Variants in PLCB4 observed in about 807,000 individuals in gnomAD.
The protein encoded by PLCB4 is phospholipase C beta 4, also known as 1-phosphatidylinositol 4,5-bisphosphate phosphodiesterase beta-4.
Under a neutral mutation model 178.8 loss-of-function variants are expected in PLCB4, and 77 were observed. That is an observed-to-expected ratio of 0.43 (90% CI 0.36 to 0.52). The LOEUF (loss-of-function observed/expected upper bound fraction) is 0.52, where lower values mean the gene tolerates loss of function less well. Among genes scored for constraint, PLCB4 ranks in the 20% least tolerant of loss-of-function variants. The pLI is 0.00. For missense variants in PLCB4, 1,024 were observed against 1,453.4 expected (o/e 0.70, Z 4.80); for synonymous variants, 496 against 490.8 (o/e 1.01, Z -0.14).
intron 14 of PLCB4, among the ~76,000 whole-genome samples, chr20:9,384,961 G>A (rs905156101): frequency 6.6e-5 from 10 of 152,212 alleles, no homozygotes; most frequent in East Asian, 1.9e-4. Flanking sequence ...TGCCGCCTTC[G>A]GCAGTGTTTG....
intron 7 of PLCB4, 102 bp from the exon 8 acceptor site, chr20:9,362,794 G>A (rs1316884446): frequency 1.4e-6 from 1 of 719,794 alleles, no homozygotes. Context: ...AGAAGAGTTT[G>A]TGTTTTTATT....
At chr20:9,393,737 C>A in intron 18 of PLCB4, 59 bp downstream of exon 18, 1 of 1,114,766 alleles carries the variant, frequency 9.0e-7, no homozygotes, top group Non-Finnish European at 1.4e-6. Context: ...GACATTTCAG[C>A]TGTTGAGAAT....
intron 3 of PLCB4, among the ~76,000 whole-genome samples, chr20:9,283,186 C>A (rs1286131436): frequency 6.6e-6 from 1 of 151,958 alleles, no homozygotes; most frequent in African/African-American, 2.4e-5. Flanking sequence ...AGGCAGAAAC[C>A]ATTGGCCTGA....
chr20:9,097,119 G>T (rs2090942645), intron 2 of PLCB4, among the ~76,000 whole-genome samples: 1 of 151,464 alleles, frequency 6.6e-6, no homozygotes. Flanking sequence ...ATCTCTAGTA[G>T]TGATGGGATT....
chr20:9,098,593 G>C (rs530992969), intron 2 of PLCB4, among the ~76,000 whole-genome samples: 156 of 150,800 alleles, frequency 1.0e-3, no homozygotes, highest in African/African-American at 3.7e-3. Flanking sequence ...CAATTAATTC[G>C]AAGGATGTCT....
intron 2 of PLCB4, among the ~76,000 whole-genome samples, chr20:9,161,940 A>T (rs1568867607): frequency 1.3e-5 from 2 of 152,242 alleles, no homozygotes; most frequent in South Asian, 4.1e-4. Context: ...ATTAATGCCG[A>T]TAATCACTGA....
chr20:9,379,439 A>G (rs992348752), intron 12 of PLCB4, among the ~76,000 whole-genome samples: 3 of 152,138 alleles, frequency 2.0e-5, no homozygotes, highest in African/African-American at 4.8e-5. Flanking sequence ...TAGCTTGTAA[A>G]TATGCTTGTA....
At chr20:9,073,445 C>T (rs1424878231) in intron 1 of PLCB4, among the ~76,000 whole-genome samples, 1 of 152,132 alleles carries the variant, frequency 6.6e-6, no homozygotes, top group Non-Finnish European at 1.5e-5. Context: ...GGTGTTAGGG[C>T]TACTACTAGA....
At chr20:9,133,395 G>A (rs2146826441) in intron 2 of PLCB4, among the ~76,000 whole-genome samples, 1 of 152,182 alleles carries the variant, frequency 6.6e-6, no homozygotes, top group Non-Finnish European at 1.5e-5. Flanking sequence ...AGCCTCCCGA[G>A]TAGTTGGGAC....
At chr20:9,124,828 A>G (rs976175166) in intron 2 of PLCB4, among the ~76,000 whole-genome samples, 14 of 152,110 alleles carry the variant, frequency 9.2e-5, no homozygotes, top group Admixed American at 7.9e-4. Flanking sequence ...TTTTTATATG[A>G]ACTTTGTTTT....
chr20:9,306,039 G>A (rs1246362075), intron 3 of PLCB4, among the ~76,000 whole-genome samples: 1 of 152,076 alleles, frequency 6.6e-6, no homozygotes, highest in African/African-American at 2.4e-5. Flanking sequence ...AAATATTCAG[G>A]TTTCAGAAAC....
At chr20:9,412,493 GA>G (rs199590728) in intron 25 of PLCB4, among the ~76,000 whole-genome samples, 2 of 151,618 alleles carry the variant, frequency 1.3e-5, no homozygotes, top group Non-Finnish European at 1.5e-5. Flanking sequence ...GTACTCAAAG[GA>G]AAAAAAATGT....
intron 39 of PLCB4, among the ~76,000 whole-genome samples, chr20:9,477,555 G>C (rs937275183): frequency 6.6e-5 from 10 of 151,848 alleles, no homozygotes; most frequent in Non-Finnish European, 1.0e-4. Context: ...TGCTGATAAT[G>C]TTTCACTGTC....
At chr20:9,245,597 G>A (rs955088541) in intron 3 of PLCB4, among the ~76,000 whole-genome samples, 1 of 152,136 alleles carries the variant, frequency 6.6e-6, no homozygotes, top group Non-Finnish European at 1.5e-5. Context: ...CTCAAGCCAA[G>A]GAATGCTTCC....
At chr20:9,172,850 A>G (rs927576577) in intron 2 of PLCB4, among the ~76,000 whole-genome samples, 3 of 152,194 alleles carry the variant, frequency 2.0e-5, no homozygotes, top group African/African-American at 4.8e-5. Flanking sequence ...AGTTACTTCC[A>G]TATGTCTGGC....
chr20:9,245,084 T>C (rs2147442236), intron 3 of PLCB4, among the ~76,000 whole-genome samples: 1 of 152,222 alleles, frequency 6.6e-6, no homozygotes, highest in East Asian at 1.9e-4. Context: ...GTGCCGCTTA[T>C]CATCCAGAAG....
intron 1 of PLCB4, among the ~76,000 whole-genome samples, chr20:9,085,393 C>T (rs6086766): frequency 0.49 from 74,058 of 151,928 alleles, 18,551 homozygotes; most frequent in Middle Eastern, 0.57. Flanking sequence ...TTAAATCAGA[C>T]ATGTACTGTA....
chr20:9,121,063 G>A (rs1296259169), intron 2 of PLCB4, among the ~76,000 whole-genome samples: 5 of 152,094 alleles, frequency 3.3e-5, no homozygotes, highest in African/African-American at 1.2e-4. Flanking sequence ...TGGCTCTTTA[G>A]ATCTCTCTGG....
intron 32 of PLCB4, among the ~76,000 whole-genome samples, chr20:9,450,055 T>C (rs1330981194): frequency 1.3e-5 from 2 of 152,186 alleles, no homozygotes; most frequent in Non-Finnish European, 2.9e-5. Flanking sequence ...AGAAGCTGAA[T>C]TTACTCTTAA....
Sources: gnomAD v4.1 joint callset for allele counts (sites outside exome capture counted in the v4.1 genomes callset) on GRCh38, gnomAD v4.1.1 for gene constraint, MANE v1.5 for transcripts, NCBI Gene and HGNC (gene_info 2026-07-23, HGNC 2026-07-21) for gene names.